The following STK3 variants were observed in gnomAD, a reference collection of about 807,000 sequenced individuals.
The protein encoded by STK3 is serine/threonine-protein kinase 3.
A neutral mutation model predicts 58.0 loss-of-function variants in STK3; 41 were observed. The ratio of observed to expected loss-of-function variants is 0.71; its 90% CI spans 0.55 to 0.92. The LOEUF (loss-of-function observed/expected upper bound fraction) is 0.92, where lower values mean the gene tolerates loss of function less well. Ranked by LOEUF, STK3 falls within the 40% of genes least tolerant of loss-of-function variation. The pLI is 0.00. For missense variants in STK3, 479 were observed against 602.7 expected (o/e 0.79, Z 2.15); for synonymous variants, 170 against 191.0 (o/e 0.89, Z 0.91).
At chr8:98,881,583 T>A (rs1175958290), downstream of STK3, 1 of 152,130 alleles carries the variant, frequency 6.6e-6, no homozygotes, top group Non-Finnish European at 1.5e-5. Context: ...AACATACTAA[T>A]GCAAGATATT....
intron 6 of STK3, among the ~76,000 whole-genome samples, chr8:98,625,450 A>C (rs893251764): frequency 2.6e-5 from 4 of 152,140 alleles, no homozygotes; most frequent in Admixed American, 6.5e-5. Flanking sequence ...CTACAAGCCC[A>C]AAAACCCCAG....
chr8:98,375,340 G>A (rs1817663656), intron 2 of STK3, among the ~76,000 whole-genome samples: 2 of 151,588 alleles, frequency 1.3e-5, no homozygotes, highest in African/African-American at 4.8e-5. Context: ...GAAATGGAAG[G>A]CATACAGGTT....
chr8:98,646,898 T>C (rs1820437165), intron 6 of STK3, among the ~76,000 whole-genome samples: 1 of 152,162 alleles, frequency 6.6e-6, no homozygotes, highest in Non-Finnish European at 1.5e-5. Context: ...CCAACTGGCC[T>C]CTTTCCTTCT....
At chr8:98,732,022 T>C (rs1185097419) in intron 4 of STK3, among the ~76,000 whole-genome samples, 1 of 152,160 alleles carries the variant, frequency 6.6e-6, no homozygotes, top group Non-Finnish European at 1.5e-5. Context: ...TCAGCATCAA[T>C]ATGTTATGAA....
intron 8 of STK3, among the ~76,000 whole-genome samples, chr8:98,577,210 G>C (rs1340585011): frequency 6.6e-6 from 1 of 152,154 alleles, no homozygotes; most frequent in Non-Finnish European, 1.5e-5. Flanking sequence ...AACTGGGCCG[G>C]GCGCAGTGGC....
downstream of STK3, chr8:98,879,882 A>T (rs1361613473): frequency 6.6e-6 from 1 of 152,216 alleles, no homozygotes; most frequent in African/African-American, 2.4e-5. Context: ...ATAATAAATC[A>T]ATTTGCTGTT....
chr8:98,884,550 T>C (rs1174933828), intron 1 of STK3, among the ~76,000 whole-genome samples: 1 of 152,230 alleles, frequency 6.6e-6, no homozygotes, highest in Non-Finnish European at 1.5e-5. Context: ...TAATTTTCTT[T>C]TCCTGGTTCA....
At chr8:98,586,978 T>A (rs1397332962) in intron 7 of STK3, among the ~76,000 whole-genome samples, 2 of 152,114 alleles carry the variant, frequency 1.3e-5, no homozygotes, top group Admixed American at 6.5e-5. Context: ...TCTATTTGAT[T>A]CTTCTCTCTT....
intron 10 of STK3, among the ~76,000 whole-genome samples, chr8:98,481,720 TG>T (rs199861971): frequency 0.035 from 4,891 of 141,196 alleles, 114 homozygotes; most frequent in East Asian, 0.077. Context: ...CTAAAGCTAT[TG>T]AAAAAAAAAA....
chr8:98,441,896 G>A (rs1818709934), intron 1 of STK3, among the ~76,000 whole-genome samples: 1 of 152,014 alleles, frequency 6.6e-6, no homozygotes, highest in Non-Finnish European at 1.5e-5. Context: ...TCATTTCCAG[G>A]TCTCCCTCTC....
chr8:98,734,913 T>C (rs1364866585), intron 4 of STK3, among the ~76,000 whole-genome samples: 3 of 151,754 alleles, frequency 2.0e-5, no homozygotes, highest in African/African-American at 7.3e-5. Flanking sequence ...TGGTTAAAAT[T>C]ATCAAGATAC....
downstream of STK3, chr8:98,454,546 C>G (rs1819353238): frequency 6.6e-6 from 1 of 152,336 alleles, no homozygotes; most frequent in African/African-American, 2.4e-5. Flanking sequence ...ACTGCATAAT[C>G]TAGCCTGTCC....
At chr8:98,608,957 A>C (rs967476929) in intron 6 of STK3, among the ~76,000 whole-genome samples, 4 of 152,254 alleles carry the variant, frequency 2.6e-5, no homozygotes, top group Admixed American at 6.5e-5. Context: ...TTTGTATATC[A>C]GTGAACTTGG....
chr8:98,454,163 A>G (rs1472374578), downstream of STK3, among the ~76,000 whole-genome samples: 1 of 152,100 alleles, frequency 6.6e-6, no homozygotes, highest in Non-Finnish European at 1.5e-5. Flanking sequence ...GAAGCTTTCC[A>G]GAGACAATAT....
intron 4 of STK3, among the ~76,000 whole-genome samples, chr8:98,746,465 T>C (rs1829648756): frequency 6.6e-6 from 1 of 151,846 alleles, no homozygotes; most frequent in Middle Eastern, 3.2e-3. Flanking sequence ...TCAAAAAAAT[T>C]AGCCAGGCAT....
At chr8:98,903,913 G>C (rs1357662162) in intron 1 of STK3, among the ~76,000 whole-genome samples, 1 of 152,024 alleles carries the variant, frequency 6.6e-6, no homozygotes, top group Non-Finnish European at 1.5e-5. Context: ...AAACACAATA[G>C]GACAGTGATT....
At chr8:98,402,614 C>T (rs778960951) in intron 3 of STK3, among the ~76,000 whole-genome samples, 1 of 152,192 alleles carries the variant, frequency 6.6e-6, no homozygotes, top group Non-Finnish European at 1.5e-5. Flanking sequence ...GGGGTGGTCT[C>T]CCATGAGTTC....
At chr8:98,777,001 G>T (rs937738313) in intron 1 of STK3, among the ~76,000 whole-genome samples, 1 of 151,460 alleles carries the variant, frequency 6.6e-6, no homozygotes, top group African/African-American at 2.4e-5. Flanking sequence ...CGTGAGCCGA[G>T]ATCGCGCCGC....
chr8:98,542,786 C>A (rs1256065225), intron 9 of STK3, among the ~76,000 whole-genome samples: 3 of 152,036 alleles, frequency 2.0e-5, no homozygotes, highest in Non-Finnish European at 4.4e-5. Context: ...TTTGAATTTA[C>A]CTAATACACA....
Sources: allele counts gnomAD v4.1 joint callset (sites outside exome capture counted in the v4.1 genomes callset), GRCh38; gene constraint gnomAD v4.1.1; transcripts MANE v1.5; gene names NCBI Gene and HGNC (gene_info 2026-07-23, HGNC 2026-07-21).